Variants in GALNTL6 observed in about 807,000 individuals in gnomAD.
GALNTL6 encodes polypeptide N-acetylgalactosaminyltransferase-like 6.
A neutral mutation model predicts 73.7 loss-of-function variants in GALNTL6; 46 were observed. The ratio of observed to expected loss-of-function variants is 0.62; its 90% CI spans 0.49 to 0.80. The LOEUF (loss-of-function observed/expected upper bound fraction) is 0.80. Ranked by LOEUF, GALNTL6 falls within the 30% of genes least tolerant of loss-of-function variation. The pLI, the probability that GALNTL6 is intolerant of heterozygous loss-of-function variation, is 0.00. For synonymous variants in GALNTL6, 259 were observed against 263.7 expected, an observed-to-expected ratio of 0.98 and a Z score of 0.17; for missense variants, 604 against 755.0, an observed-to-expected ratio of 0.80 and a Z score of 2.34.
chr4:173,025,612 G>T (rs1753200882), intron 12 of GALNTL6, among the ~76,000 whole-genome samples: 1 of 152,140 alleles, frequency 6.6e-6, no homozygotes, highest in Admixed American at 6.5e-5. Flanking sequence ...GCCAGAGGGA[G>T]ATTTCACAAA....
At chr4:172,920,963 G>A (rs946157368) in intron 8 of GALNTL6, among the ~76,000 whole-genome samples, 5 of 152,210 alleles carry the variant, frequency 3.3e-5, no homozygotes, top group African/African-American at 9.7e-5. Flanking sequence ...GCAGAAAAGG[G>A]TGATGAGTAC....
intron 2 of GALNTL6, among the ~76,000 whole-genome samples, chr4:171,950,652 G>C (rs1038926644): frequency 6.6e-6 from 1 of 151,806 alleles, no homozygotes; most frequent in Admixed American, 6.6e-5. Flanking sequence ...GCTAATTTTT[G>C]TATTTTTAGT....
chr4:172,929,116 A>G (rs909785218), intron 8 of GALNTL6, among the ~76,000 whole-genome samples: 3 of 152,200 alleles, frequency 2.0e-5, no homozygotes, highest in African/African-American at 7.2e-5. Flanking sequence ...TACCAGCTTT[A>G]TATTACCCAC....
At chr4:171,995,766 C>A (rs1367556642) in intron 2 of GALNTL6, among the ~76,000 whole-genome samples, 1 of 151,830 alleles carries the variant, frequency 6.6e-6, no homozygotes, top group African/African-American at 2.4e-5. Context: ...AGAACTGTAA[C>A]AATAGAAGCT....
At chr4:172,976,176 A>T (rs1055447620) in intron 10 of GALNTL6, among the ~76,000 whole-genome samples, 2 of 152,204 alleles carry the variant, frequency 1.3e-5, no homozygotes, top group South Asian at 2.1e-4. Context: ...AGAGAAAATT[A>T]AAAAGAATTG....
intron 2 of GALNTL6, among the ~76,000 whole-genome samples, chr4:171,974,940 C>T (rs139229736): frequency 3.7e-4 from 57 of 152,262 alleles, no homozygotes; most frequent in South Asian, 1.0e-3. Context: ...TAGTCTCTCA[C>T]GGCAAGGTTG....
At chr4:172,459,203 G>A (rs553929792) in intron 5 of GALNTL6, among the ~76,000 whole-genome samples, 1 of 152,110 alleles carries the variant, frequency 6.6e-6, no homozygotes, top group Non-Finnish European at 1.5e-5. Flanking sequence ...AACCAGTGTT[G>A]GAATGTATCT....
rs144224551 is a variant in GALNTL6 at position 171,842,309 on chromosome 4, T to C, written c.138+27591T>C. 1.8e-3 allele frequency among the ~76,000 whole-genome samples: 269 copies of C among 152,278 alleles called. 1 individual carries two copies. Among genetic ancestry groups the C allele is most frequent in the Admixed American group, 6.6e-3 (101 of 15,266 alleles). Reference sequence around the variant, plus strand: ...TAGTTGTTACATTTCTTATCCTTGCTTACTTTTTATTTTCTGAAATGCAAT... The same window carrying C: ...TAGTTGTTACATTTCTTATCCTTGCCTACTTTTTATTTTCTGAAATGCAAT... On this transcript the variant is annotated intron_variant, in intron 2 of 12. Transcript: ENST00000506823.
intron 3 of GALNTL6, among the ~76,000 whole-genome samples, chr4:172,300,314 CTCTT>C (rs1423983305): frequency 6.6e-6 from 1 of 152,096 alleles, no homozygotes; most frequent in African/African-American, 2.4e-5. Flanking sequence ...TGAGTCTTGA[CTCTT>C]TATCAAATTT....
rs570802524 is a variant in GALNTL6 at position 172,552,099 on chromosome 4, G to A, written c.553+203410G>A. ...GAATAAATTTTACTAATTTAGCCTC[G>A]CTACTTTCCATTATGATATCCTAGT... On this transcript the variant is annotated intron_variant, in intron 5 of 12. Transcript: ENST00000506823. 5.9e-5 allele frequency among the ~76,000 whole-genome samples: 9 copies of A among 152,110 alleles called. No individual in the cohort carries two copies. In the East Asian group the frequency reaches 1.7e-3, roughly 29 times the overall value.
chr4:172,862,776 A>G (rs549099640), intron 7 of GALNTL6, among the ~76,000 whole-genome samples: 103 of 152,344 alleles, frequency 6.8e-4, no homozygotes, highest in African/African-American at 2.3e-3. Flanking sequence ...TTGCATAAGT[A>G]ACCAGGAGCT....
At chr4:171,916,252 T>A (rs917786677) in intron 2 of GALNTL6, among the ~76,000 whole-genome samples, 1 of 152,010 alleles carries the variant, frequency 6.6e-6, no homozygotes, top group South Asian at 2.1e-4. Flanking sequence ...AGAAAAGAGA[T>A]GCTGAAAAAA....
At chr4:172,908,902 TAGCTA>T (rs1747052648) in intron 8 of GALNTL6, among the ~76,000 whole-genome samples, 1 of 151,958 alleles carries the variant, frequency 6.6e-6, no homozygotes, top group East Asian at 1.9e-4. Flanking sequence ...ATAATTTTTT[TAGCTA>T]AGCTAAGTGC....
chr4:172,913,120 C>T lies in GALNTL6; in HGVS notation c.1042-18041C>T, dbSNP rs1747304357. On this transcript the variant is annotated intron_variant, in intron 8 of 12. Transcript: ENST00000506823. ...GGAAAACAGGGTCTGGAGTGGACCT[C>T]CAGCAAACTCCAACAGATCTGCAGC... Among the ~76,000 whole-genome samples, 3 of 152,156 alleles carry T rather than the reference C, an allele frequency of 2.0e-5. No individual in the cohort carries two copies. The South Asian group carries it at 6.2e-4, about 32-fold the overall frequency.
intron 4 of GALNTL6, among the ~76,000 whole-genome samples, chr4:172,333,231 C>A (rs770626711): frequency 1.9e-4 from 29 of 152,124 alleles, no homozygotes; most frequent in Non-Finnish European, 3.5e-4. Flanking sequence ...CATGGAGAAA[C>A]CTCCTCTCTA....
chr4:172,814,613 G>A (rs1317318533), intron 7 of GALNTL6, among the ~76,000 whole-genome samples: 1 of 152,058 alleles, frequency 6.6e-6, no homozygotes, highest in African/African-American at 2.4e-5. Flanking sequence ...CACACTCTGA[G>A]TCCATTTAAA....
chr4:172,308,639 A>G (rs1231623243), intron 3 of GALNTL6, among the ~76,000 whole-genome samples: 1 of 152,140 alleles, frequency 6.6e-6, no homozygotes, highest in Non-Finnish European at 1.5e-5. Flanking sequence ...ACATTTATTG[A>G]CTTGCACCTG....
intron 5 of GALNTL6, among the ~76,000 whole-genome samples, chr4:172,447,517 T>C (rs1006497829): frequency 6.6e-6 from 1 of 152,194 alleles, no homozygotes; most frequent in Admixed American, 6.5e-5. Context: ...TTCATGTAGG[T>C]ATACCTGGCT....
chr4:172,615,651 T>C (rs1448957704), intron 5 of GALNTL6, among the ~76,000 whole-genome samples: 1 of 152,224 alleles, frequency 6.6e-6, no homozygotes, highest in Non-Finnish European at 1.5e-5. Flanking sequence ...ATGTGTATAC[T>C]ATAAATCGAG....
Sources: allele counts gnomAD v4.1 joint callset (sites outside exome capture counted in the v4.1 genomes callset), GRCh38; gene constraint gnomAD v4.1.1; transcripts MANE v1.5; gene names NCBI Gene and HGNC (gene_info 2026-07-23, HGNC 2026-07-21).